The following NCOA2 variants were observed in gnomAD, a reference collection of about 807,000 sequenced individuals.
NCOA2 encodes nuclear receptor coactivator 2, also known as class E basic helix-loop-helix protein 75.
A neutral mutation model predicts 145.1 loss-of-function variants in NCOA2; 21 were observed. The ratio of observed to expected loss-of-function variants is 0.14; its 90% CI spans 0.10 to 0.21. NCOA2 has a LOEUF of 0.21. Ranked by LOEUF, NCOA2 falls within the 10% of genes least tolerant of loss-of-function variation. NCOA2 has a pLI of 1.00. For missense variants in NCOA2, 1,472 were observed against 1,837.6 expected (o/e 0.80, Z 3.64); for synonymous variants, 619 against 637.5 (o/e 0.97, Z 0.44).
intron 21 of NCOA2, among the ~76,000 whole-genome samples, chr8:70,121,813 A>G (rs1199069545): frequency 1.3e-5 from 2 of 152,248 alleles, no homozygotes; most frequent in Non-Finnish European, 2.9e-5. Context: ...GAGCAAGTGT[A>G]AATACCCAAA....
Position 70,223,241 on chromosome 8 carries a change from G to A in NCOA2, c.-19-6477C>T, listed in dbSNP as rs925585663. Among the ~76,000 whole-genome samples, 8 of 152,186 alleles carry A rather than the reference G, an allele frequency of 5.3e-5. No individual in the cohort carries two copies. The South Asian group carries it at 6.2e-4, about 12-fold the overall frequency. On this transcript the variant is annotated intron_variant, in intron 2 of 22. Coordinates refer to ENST00000452400, the MANE Select transcript of NCOA2 (RefSeq NM_006540.4). The stretch of plus-strand genomic sequence containing the variant: ...GTGTTTGAGTTTCATAACTTGTCCA[G>A]ACTAAAATTCAATTATCTTTCTTCA...
intron 1 of NCOA2, among the ~76,000 whole-genome samples, chr8:70,327,765 A>G (rs537969092): frequency 6.6e-6 from 1 of 152,192 alleles, no homozygotes; most frequent in Non-Finnish European, 1.5e-5. Flanking sequence ...GTATTAAGAG[A>G]GTTTTAAAAA....
At chr8:70,247,740 A>G (rs1822750226) in intron 2 of NCOA2, among the ~76,000 whole-genome samples, 1 of 152,222 alleles carries the variant, frequency 6.6e-6, no homozygotes, top group Non-Finnish European at 1.5e-5. Flanking sequence ...TGTGTCCTTT[A>G]TTAACTACAA....
chr8:70,194,336 A>T (rs1334181852), intron 4 of NCOA2, among the ~76,000 whole-genome samples: 3 of 152,200 alleles, frequency 2.0e-5, no homozygotes, highest in African/African-American at 7.2e-5. Context: ...CTCAGATTAC[A>T]TTCCTTCATT....
intron 12 of NCOA2, among the ~76,000 whole-genome samples, chr8:70,146,701 G>GTT (rs887265398): frequency 1.4e-5 from 2 of 146,278 alleles, no homozygotes; most frequent in Non-Finnish European, 1.5e-5. Flanking sequence ...TAGTGTGTCT[G>GTT]TTTTTTTTTT....
At chr8:70,384,289 GATTTTGGTGAAATATGCCCAACC>G (rs1485477972) in intron 1 of NCOA2, among the ~76,000 whole-genome samples, 1 of 150,904 alleles carries the variant, frequency 6.6e-6, no homozygotes, top group African/African-American at 2.4e-5. Context: ...ACAAATACTT[GATTTTGGTGAAATATGCCCAACC>G]ATTCTTCGCA....
chr8:70,322,901 C>T (rs1806206493), intron 1 of NCOA2, among the ~76,000 whole-genome samples: 1 of 152,114 alleles, frequency 6.6e-6, no homozygotes. Flanking sequence ...AATTTGTTAT[C>T]AAGATATTTT....
intron 1 of NCOA2, among the ~76,000 whole-genome samples, chr8:70,360,560 A>G (rs1337546502): frequency 1.3e-5 from 2 of 152,154 alleles, no homozygotes; most frequent in Non-Finnish European, 2.9e-5. Flanking sequence ...GTTTCTTGCA[A>G]TACACCTGTT....
At chr8:70,206,401 C>G (rs1381556951) in intron 4 of NCOA2, among the ~76,000 whole-genome samples, 1 of 152,060 alleles carries the variant, frequency 6.6e-6, no homozygotes, top group Non-Finnish European at 1.5e-5. Flanking sequence ...TAAATGAAAG[C>G]TTATTTATAA....
chr8:70,126,356 TGTAAA>T (rs1286613487), intron 19 of NCOA2, among the ~76,000 whole-genome samples: 2 of 152,250 alleles, frequency 1.3e-5, no homozygotes, highest in South Asian at 4.1e-4. Flanking sequence ...TGGTATAATC[TGTAAA>T]GTATTTTTCA....
At chr8:70,451,655 C>T in the NCOA2 span, among the ~76,000 whole-genome samples, 2 of 151,966 alleles carry the variant, frequency 1.3e-5, no homozygotes, top group East Asian at 1.9e-4. Flanking sequence ...GTACTTGGTT[C>T]GATTGACTAT....
At chr8:70,296,117 T>C (rs1827074270) in intron 2 of NCOA2, among the ~76,000 whole-genome samples, 1 of 152,234 alleles carries the variant, frequency 6.6e-6, no homozygotes, top group Non-Finnish European at 1.5e-5. Context: ...GGGATGCTGT[T>C]TTGAACAAGA....
intron 1 of NCOA2, among the ~76,000 whole-genome samples, chr8:70,388,807 A>G (rs969735360): frequency 2.0e-5 from 3 of 152,188 alleles, no homozygotes; most frequent in Admixed American, 6.5e-5. Context: ...GTCTCAGGGA[A>G]CAAAGATGAA....
rs137870168 is a variant in NCOA2, at chr8:70,325,600, G to A, written c.-76-28800C>T. ...CTAATTTTTGTAAAGATGGGATTTC[G>A]CCGTGTCACCCAGGCTGGTCTTGAA... is the stretch of plus-strand genomic sequence containing the variant. On this transcript the variant is annotated intron_variant, in intron 1 of 22. Transcript: ENST00000452400. 1.3e-4 allele frequency among the ~76,000 whole-genome samples: 20 copies of A among 152,048 alleles called. No individual in the cohort carries two copies. In the East Asian group the frequency reaches 3.5e-3, roughly 26 times the overall value.
At chr8:70,190,816 G>C (rs1816600452) in intron 4 of NCOA2, among the ~76,000 whole-genome samples, 2 of 152,138 alleles carry the variant, frequency 1.3e-5, no homozygotes, top group African/African-American at 2.4e-5. Flanking sequence ...AGATCACCTG[G>C]GCGATGGAGT....
chr8:70,273,848 G>C, intron 2 of NCOA2: 1 of 554,520 alleles, frequency 1.8e-6, no homozygotes, highest in South Asian at 1.4e-5. Flanking sequence ...ACTGAAGTGA[G>C]TCAACTTCAG....
chr8:70,320,047 T>A (rs1805921905), intron 1 of NCOA2, among the ~76,000 whole-genome samples: 1 of 152,208 alleles, frequency 6.6e-6, no homozygotes, highest in Non-Finnish European at 1.5e-5. Context: ...ATGTGAATAG[T>A]ATAAATGTTT....
intron 2 of NCOA2, among the ~76,000 whole-genome samples, chr8:70,290,275 G>A (rs138964973): frequency 0.018 from 2,600 of 144,822 alleles, 90 homozygotes; most frequent in African/African-American, 0.063. Flanking sequence ...TACCAGCTCC[G>A]CCTCCTGGGT....
intron 13 of NCOA2, among the ~76,000 whole-genome samples, chr8:70,142,893 C>T (rs1339953779): frequency 6.6e-6 from 1 of 150,594 alleles, no homozygotes. Context: ...ATCCATAATT[C>T]AACAATATTA....
Sources: gnomAD v4.1 joint callset for allele counts (sites outside exome capture counted in the v4.1 genomes callset) on GRCh38, gnomAD v4.1.1 for gene constraint, MANE v1.5 for transcripts, NCBI Gene and HGNC (gene_info 2026-07-23, HGNC 2026-07-21) for gene names.